Variants in SHISA9 observed in about 807,000 individuals in gnomAD.
The protein encoded by SHISA9 is shisa family member 9.
Under a neutral mutation model 38.0 loss-of-function variants are expected in SHISA9, and 13 were observed. The observed-to-expected ratio is 0.34, with a 90% CI of 0.22 to 0.54. The LOEUF (loss-of-function observed/expected upper bound fraction) is 0.54, where lower values mean the gene tolerates loss of function less well. Ranked by LOEUF, SHISA9 falls within the 20% of genes least tolerant of loss-of-function variation. The pLI, the probability that SHISA9 is intolerant of heterozygous loss-of-function variation, is 0.91. For synonymous variants in SHISA9, 275 were observed against 242.0 expected (o/e 1.14, Z -1.27); for missense variants, 538 against 575.8 (o/e 0.93, Z 0.67).
At chr16:13,221,399 T>C (rs1002339979) in intron 4 of SHISA9, among the ~76,000 whole-genome samples, 13 of 151,810 alleles carry the variant, frequency 8.6e-5, no homozygotes, top group African/African-American at 3.1e-4. Context: ...CTGCACAACT[T>C]TATACCATGT....
chr16:13,367,735 C>A, the SHISA9 span, among the ~76,000 whole-genome samples: 2 of 148,354 alleles, frequency 1.3e-5, no homozygotes, highest in African/African-American at 2.5e-5. Flanking sequence ...CACACACACA[C>A]ACACACACAC....
At chr16:13,343,515 T>C in the SHISA9 span, among the ~76,000 whole-genome samples, 2 of 152,032 alleles carry the variant, frequency 1.3e-5, no homozygotes, top group African/African-American at 4.8e-5. Flanking sequence ...CAGTCAAAAA[T>C]GTAAAGCATA....
In SHISA9 at chr16:13,201,802, AC is replaced by A. The variant is rs1250506308; in HGVS notation, c.692-1588del. Among the ~76,000 whole-genome samples the A allele has an allele frequency of 3.3e-5, 4 of 123,056 alleles. 1 individual carries two copies. The highest frequency in any genetic ancestry group is 6.7e-5 in the African/African-American group (2 of 29,958). The allele number at this position is 123,056 out of a possible 152,430, so 80.7% of individuals were successfully genotyped here. A position where few individuals can be genotyped will look rare whatever the true frequency, so the allele number is the denominator to read the frequency against. Reference sequence around the variant, plus strand: ...AGGATGAGGTGTGTGAAGCATATTGACCCCAGGGCAGTGGCTCCTATCAGCC... The same window carrying A: ...AGGATGAGGTGTGTGAAGCATATTGACCCAGGGCAGTGGCTCCTATCAGCC... On this transcript the variant is annotated intron_variant, in intron 2 of 4. Transcript: ENST00000558583.
chr16:13,162,047 A>T (rs1391746667), intron 2 of SHISA9, among the ~76,000 whole-genome samples: 1 of 152,190 alleles, frequency 6.6e-6, no homozygotes, highest in Non-Finnish European at 1.5e-5. Context: ...TTAGAAGGGG[A>T]TAATGTAATG....
intron 2 of SHISA9, among the ~76,000 whole-genome samples, chr16:12,921,911 C>T (rs1294013169): frequency 2.6e-5 from 4 of 152,174 alleles, no homozygotes; most frequent in Non-Finnish European, 5.9e-5. Context: ...TTATAAAACT[C>T]CAAAACATGG....
the SHISA9 span, among the ~76,000 whole-genome samples, chr16:13,417,309 G>A: frequency 6.6e-6 from 1 of 152,240 alleles, no homozygotes; most frequent in South Asian, 2.1e-4. Context: ...AGAAGTGGAG[G>A]CACTTGATAG....
the SHISA9 span, among the ~76,000 whole-genome samples, chr16:13,320,309 A>G: frequency 3.5e-4 from 52 of 146,842 alleles, no homozygotes; most frequent in African/African-American, 1.2e-3. Context: ...AAAAAAAAAA[A>G]AAAAAAAAAA....
At chr16:13,143,652 A>G (rs890220776) in intron 2 of SHISA9, among the ~76,000 whole-genome samples, 1 of 152,164 alleles carries the variant, frequency 6.6e-6, no homozygotes, top group Non-Finnish European at 1.5e-5. Context: ...ATCTCTTTCC[A>G]TTGAAGACAA....
At chr16:13,469,423 A>AAGAG in the SHISA9 span, among the ~76,000 whole-genome samples, 339 of 115,878 alleles carry the variant, frequency 2.9e-3, 1 homozygote, top group Non-Finnish European at 4.6e-3. Flanking sequence ...GAAAGAAAGA[A>AAGAG]AAAGAAAGAA....
rs34050190 is a variant in SHISA9 at position 12,916,011 on chromosome 16, G to GTTT, written c.564-660_564-658dup. On this transcript the variant is annotated intron_variant, in intron 1 of 4. Transcript: ENST00000558583. ...GTTTTTTTTTTGTGTGTGTGTGTGTGTTTTTTTTTTTTTTTTTTTGCTAAG... is the reference window on the plus strand; with the variant it reads ...GTTTTTTTTTTGTGTGTGTGTGTGTGTTTTTTTTTTTTTTTTTTTTTTGCTAAG... Among the ~76,000 whole-genome samples the GTTT allele has an allele frequency of 3.9e-3, 357 of 90,412 alleles. 1 individual carries two copies. Among genetic ancestry groups the GTTT allele is most frequent in the South Asian group, 5.6e-3 (12 of 2,156 alleles). The allele number at this position is 90,412 out of a possible 152,430, so 59.3% of individuals were successfully genotyped here.
At chr16:13,332,817 C>T in the SHISA9 span, among the ~76,000 whole-genome samples, 31 of 152,268 alleles carry the variant, frequency 2.0e-4, no homozygotes, top group Middle Eastern at 3.4e-3. Flanking sequence ...TGAGTATATG[C>T]GCACTCTGTC....
At chr16:13,516,476 A>C in the SHISA9 span, among the ~76,000 whole-genome samples, 1 of 152,202 alleles carries the variant, frequency 6.6e-6, no homozygotes, top group African/African-American at 2.4e-5. Flanking sequence ...AGATGAACTG[A>C]AAAGGTATTT....
chr16:12,932,218 G>A (rs56107628), intron 2 of SHISA9, among the ~76,000 whole-genome samples: 2,508 of 152,234 alleles, frequency 0.016, 61 homozygotes, highest in African/African-American at 0.056. Flanking sequence ...AGCAGCATGA[G>A]AACAGACTAA....
chr16:12,971,130 C>T (rs2072076152), intron 2 of SHISA9, among the ~76,000 whole-genome samples: 1 of 152,170 alleles, frequency 6.6e-6, no homozygotes, highest in Admixed American at 6.5e-5. Context: ...TTTTAGCTGT[C>T]TGCACAGGTA....
the SHISA9 span, among the ~76,000 whole-genome samples, chr16:13,252,225 T>C: frequency 6.6e-6 from 1 of 152,162 alleles, no homozygotes. Flanking sequence ...ACTGGCCTCC[T>C]TGCTGTTCCT....
the SHISA9 span, among the ~76,000 whole-genome samples, chr16:13,344,452 C>G: frequency 6.6e-6 from 1 of 151,560 alleles, no homozygotes. Flanking sequence ...TCTTCCTCCT[C>G]TATGCCCTTT....
At chr16:13,062,364 C>G (rs979463643) in intron 2 of SHISA9, among the ~76,000 whole-genome samples, 1 of 152,130 alleles carries the variant, frequency 6.6e-6, no homozygotes, top group Non-Finnish European at 1.5e-5. Flanking sequence ...TTGTTTTGTA[C>G]CTGCAGTTTT....
the SHISA9 span, among the ~76,000 whole-genome samples, chr16:13,541,432 C>T: frequency 6.6e-6 from 1 of 152,168 alleles, no homozygotes; most frequent in Non-Finnish European, 1.5e-5. Context: ...TGCCTGAACC[C>T]AGCCTTAACA....
At chr16:13,111,651 C>A (rs1485366892) in intron 2 of SHISA9, among the ~76,000 whole-genome samples, 1 of 152,114 alleles carries the variant, frequency 6.6e-6, no homozygotes, top group Non-Finnish European at 1.5e-5. Context: ...AGATAATTTT[C>A]TTTTTGGAGC....
Sources: gnomAD v4.1 joint callset for allele counts (sites outside exome capture counted in the v4.1 genomes callset) on GRCh38, gnomAD v4.1.1 for gene constraint, MANE v1.5 for transcripts, NCBI Gene and HGNC (gene_info 2026-07-23, HGNC 2026-07-21) for gene names.